The following ACACA variants were observed in gnomAD, a reference collection of about 807,000 sequenced individuals.
The protein encoded by ACACA is acetyl-CoA carboxylase 1.
ACACA carries 103 observed loss-of-function variants against 296.1 expected under a neutral mutation model. The observed-to-expected ratio is 0.35, with a 90% CI of 0.30 to 0.41. ACACA has a LOEUF of 0.41. ACACA is among the 10% of genes least tolerant of loss of function. The pLI is 1.00. For missense variants in ACACA, 1,554 were observed against 2,989.7 expected, an observed-to-expected ratio of 0.52 and a Z score of 11.20; for synonymous variants, 953 against 1,038.6, an observed-to-expected ratio of 0.92 and a Z score of 1.58.
chr17:37,255,375 A>C (rs1270447030), intron 14 of ACACA, among the ~76,000 whole-genome samples: 1 of 152,208 alleles, frequency 6.6e-6, no homozygotes, highest in African/African-American at 2.4e-5. Flanking sequence ...ACCTAATGAA[A>C]TGAAGAAATA....
chr17:37,230,230 C>T (rs1400924625), intron 25 of ACACA, among the ~76,000 whole-genome samples: 2 of 151,316 alleles, frequency 1.3e-5, no homozygotes, highest in Non-Finnish European at 2.9e-5. Flanking sequence ...ACTAAAAATA[C>T]AAAATTAACT....
intron 11 of ACACA, among the ~76,000 whole-genome samples, chr17:37,263,010 A>T (rs928149493): frequency 3.3e-5 from 5 of 152,198 alleles, no homozygotes; most frequent in Non-Finnish European, 7.4e-5. Flanking sequence ...GATTACAGGC[A>T]AGAGCCACCA....
At chr17:37,343,889 A>T (rs1473052636) in intron 1 of ACACA, among the ~76,000 whole-genome samples, 1 of 151,870 alleles carries the variant, frequency 6.6e-6, no homozygotes, top group Non-Finnish European at 1.5e-5. Flanking sequence ...AGAAAATTTT[A>T]TTTTAAAAAC....
intron 41 of ACACA, among the ~76,000 whole-genome samples, chr17:37,172,033 G>A (rs941412898): frequency 6.6e-6 from 1 of 152,062 alleles, no homozygotes; most frequent in Non-Finnish European, 1.5e-5. Flanking sequence ...TCATTCTCTG[G>A]TGTCATCTGT....
At chr17:37,161,133 A>G (rs2076442614) in intron 42 of ACACA, among the ~76,000 whole-genome samples, 1 of 152,224 alleles carries the variant, frequency 6.6e-6, no homozygotes, top group Non-Finnish European at 1.5e-5. Flanking sequence ...CAGGAACTAA[A>G]AGATGCAAAG....
intron 3 of ACACA, among the ~76,000 whole-genome samples, chr17:37,302,982 G>A (rs1053435591): frequency 3.9e-5 from 6 of 152,102 alleles, no homozygotes; most frequent in African/African-American, 1.4e-4. Flanking sequence ...TTTTTAAAGA[G>A]ACGAGGTCTT....
chr17:37,406,134 TCA>T, intron 1 of ACACA, 126 bp downstream of exon 1: 2 of 1,060,080 alleles, frequency 1.9e-6, no homozygotes, highest in Non-Finnish European at 2.9e-6. Context: ...GGTGCCTACC[TCA>T]CAAGTTTTAA....
chr17:37,127,810 C>G (rs1255343876), intron 47 of ACACA, among the ~76,000 whole-genome samples: 2 of 146,210 alleles, frequency 1.4e-5, no homozygotes, highest in African/African-American at 5.1e-5. Flanking sequence ...CGCCACTGCA[C>G]TCCAGCCTGG....
chr17:37,243,256 A>G, intron 22 of ACACA, 115 bp downstream of exon 22: 1 of 1,127,590 alleles, frequency 8.9e-7, no homozygotes, highest in African/African-American at 1.5e-5. Context: ...ACAATGCTTA[A>G]AAGTATACAA....
At chr17:37,128,023 T>TTAAAA (rs2074890198) in intron 47 of ACACA, among the ~76,000 whole-genome samples, 1 of 22,532 alleles carries the variant, frequency 4.4e-5, no homozygotes, top group Non-Finnish European at 7.6e-5. Flanking sequence ...AAACTCCATC[T>TTAAAA]CAAAAAAAAA....
chr17:37,343,332 T>C (rs2048472092), intron 1 of ACACA, among the ~76,000 whole-genome samples: 1 of 152,190 alleles, frequency 6.6e-6, no homozygotes, highest in South Asian at 2.1e-4. Context: ...AGTTAGCATA[T>C]TCTCCTTGAA....
intron 45 of ACACA, among the ~76,000 whole-genome samples, chr17:37,148,139 C>T (rs1002235056): frequency 6.7e-6 from 1 of 149,656 alleles, no homozygotes; most frequent in Non-Finnish European, 1.5e-5. Flanking sequence ...TAAAATCTTT[C>T]AAAAATTCTG....
intron 3 of ACACA, among the ~76,000 whole-genome samples, chr17:37,305,904 G>T (rs867553935): frequency 2.9e-3 from 275 of 95,784 alleles, no homozygotes; most frequent in South Asian, 4.5e-3. Context: ...TTTTTTTTTT[G>T]TTTTTTTTTT....
rs1022291108 is a variant in ACACA, at chr17:37,130,287, C to T, written c.5680-69G>A. On this transcript the variant is annotated intron_variant, in intron 45 of 55. Transcript: ENST00000616317. ...TAAAGGCATGGTCGATTTCACAAGT[C>T]GCACTAAAATGGGTTCTTTTCTCCA... 7 of 1,590,978 alleles carry T rather than the reference C, an allele frequency of 4.4e-6. No individual in the cohort carries two copies. In the Admixed American group the frequency reaches 6.7e-5, roughly 15 times the overall value.
intron 45 of ACACA, among the ~76,000 whole-genome samples, chr17:37,146,504 A>G (rs745472230): frequency 6.6e-6 from 1 of 152,160 alleles, no homozygotes; most frequent in African/African-American, 2.4e-5. Context: ...CTGCCTCAGC[A>G]AAAGTTTTCA....
chr17:37,217,734 C>CAAAAA (rs57846347), intron 29 of ACACA, among the ~76,000 whole-genome samples: 86 of 29,372 alleles, frequency 2.9e-3, no homozygotes, highest in African/African-American at 7.3e-3. Flanking sequence ...GACTCCATCT[C>CAAAAA]AAAAAAAAAA....
At position 37,339,808 on chromosome 17, in the gene ACACA, T is replaced by C. The variant is rs778796917; in HGVS notation, c.81A>G (p.Ile27Met). The C allele has an allele frequency of 1.0e-5, 14 of 1,376,408 alleles. No individual in the cohort carries two copies. Among genetic ancestry groups the C allele is most frequent in the Non-Finnish European group, 1.4e-5 (14 of 970,198 alleles). The allele number at this position is 1,376,408 out of a possible 1,614,324, so 85.3% of individuals were successfully genotyped here. A position where few individuals can be genotyped will look rare whatever the true frequency, so the allele number is the denominator to read the frequency against. The change falls in exon 2 of 56, where the codon ATA becomes ATG. Residue 27 changes from isoleucine (I) to methionine (M), a missense_variant. Physicochemically the swap from Ile to Met is conservative, Grantham distance 10. This residue lies in a region of ACACA where 140 missense variants were observed against 147.7 expected (regional missense o/e 0.95). Coordinates refer to ENST00000616317, the MANE Select transcript of ACACA (RefSeq NM_198834.3). ...KWISTQTVRI[I>M]RAVRAHFGGI... ...GGAGTATTATTTGTAACTGACCTCT[T>C]ATAATTCTTACTGTCTGAGTAGATA...
Position 37,113,404 on chromosome 17 carries a change from G to C in ACACA, c.6275-139C>G, listed in dbSNP as rs760823137. The C allele has an allele frequency of 1.2e-6, 1 of 824,398 alleles. No homozygotes were observed. Among genetic ancestry groups the C allele is most frequent in the Non-Finnish European group, 2.0e-6 (1 of 494,062 alleles). 51.1% of individuals were successfully genotyped at this position (824,398 alleles called of 1,614,324 possible). A position where few individuals can be genotyped will look rare whatever the true frequency, so the allele number is the denominator to read the frequency against. On this transcript the variant is annotated intron_variant, in intron 50 of 55. Transcript: ENST00000616317. The surrounding 1 kb of genome is among the most constrained non-coding windows in gnomAD (Gnocchi z 4.0). Reference sequence around the variant, plus strand: ...GTTTGGCCACCCTATAGACTAAAGGGAGTATCGACCTGTATCCCATTCAAG... The same window carrying C: ...GTTTGGCCACCCTATAGACTAAAGGCAGTATCGACCTGTATCCCATTCAAG...
At position 37,161,806 on chromosome 17, in the gene ACACA, C is replaced by T; in HGVS notation, c.5324G>A (p.Trp1775Ter). ...EEIRHMFHVA[W>*]VDPEDPYKGY... is the part of the protein sequence containing the mutation. ...CTTGTAAGGATCCTCAGGATCTACC[C>T]AGGCCACATGAAACATATGGCGAAT... is the stretch of plus-strand genomic sequence containing the variant. Residue 1775 changes from tryptophan (W) to a stop codon, truncating the protein, a stop_gained, in exon 42 of 56, where the codon TGG (tryptophan) becomes TAG (stop). Coordinates refer to ENST00000616317, the MANE Select transcript of ACACA (RefSeq NM_198834.3). LOFTEE classifies it high-confidence loss of function. 6.2e-7 allele frequency: 1 copy of T among 1,612,970 alleles called. No homozygotes were observed. The highest frequency in any genetic ancestry group is 8.5e-7 in the Non-Finnish European group (1 of 1,179,990).
Sources: allele counts gnomAD v4.1 joint callset (sites outside exome capture counted in the v4.1 genomes callset), GRCh38; gene constraint gnomAD v4.1.1; regional missense constraint gnomAD v4.1.1; non-coding constraint Gnocchi (gnomAD v3.1); transcripts MANE v1.5; gene names NCBI Gene and HGNC (gene_info 2026-07-23, HGNC 2026-07-21).